The following MDN1 variants were observed in gnomAD, a reference collection of about 807,000 sequenced individuals.
MDN1 encodes midasin.
A neutral mutation model predicts 669.2 loss-of-function variants in MDN1; 266 were observed. The observed-to-expected ratio is 0.40, with a 90% CI of 0.36 to 0.44. MDN1 has a LOEUF of 0.44. Ranked by LOEUF, MDN1 falls within the 20% of genes least tolerant of loss-of-function variation. The pLI, the probability that MDN1 is intolerant of heterozygous loss-of-function variation, is 1.00. For synonymous variants in MDN1, 2,385 were observed against 2,457.1 expected (o/e 0.97, Z 0.87); for missense variants, 5,940 against 6,754.0 (o/e 0.88, Z 4.22).
At chr6:89,688,870 A>G in intron 65 of MDN1, 62 bp from the exon 66 acceptor site, 1 of 1,393,900 alleles carries the variant, frequency 7.2e-7, no homozygotes, top group Non-Finnish European at 1.0e-6. Flanking sequence ...CAACATGTCA[A>G]AAAGATGTCA....
At chr6:89,796,341 A>AAAAAAC (rs1819607396) in intron 2 of MDN1, among the ~76,000 whole-genome samples, 2 of 110,220 alleles carry the variant, frequency 1.8e-5, no homozygotes, top group African/African-American at 3.8e-5. Context: ...AAAAAAAAAA[A>AAAAAAC]AAAAAAAAAC....
Position 89,642,796 on chromosome 6 carries a change from A to ATGTT in MDN1, c.*1205_*1208dup, listed in dbSNP as rs1052394331. On this transcript the variant is annotated 3_prime_UTR_variant, in exon 102 of 102. Transcript: ENST00000369393. ...CAAATTACATCAACAACAGTGGTAT[A>ATGTT]TGTTTTAATAGTTTTCAGAATATAA... The ATGTT allele has an allele frequency of 6.6e-6, 1 of 152,242 alleles. No individual in the cohort carries two copies. Among genetic ancestry groups the ATGTT allele is most frequent in the African/African-American group, 2.4e-5 (1 of 41,466 alleles). The allele number at this position is 152,242 out of a possible 1,614,324, so 9.4% of individuals were successfully genotyped here.
At chr6:89,677,033 AAG>A (rs1811242006) in intron 76 of MDN1, among the ~76,000 whole-genome samples, 1 of 151,632 alleles carries the variant, frequency 6.6e-6, no homozygotes, top group Non-Finnish European at 1.5e-5. Flanking sequence ...AAAAAAAAAA[AAG>A]GGAAGAAGAA....
At chr6:89,726,612 G>C (rs1470611542) in intron 37 of MDN1, among the ~76,000 whole-genome samples, 1 of 151,878 alleles carries the variant, frequency 6.6e-6, no homozygotes, top group Non-Finnish European at 1.5e-5. Context: ...GGGTTTCAAA[G>C]TCAGGATATA....
intron 1 of MDN1, among the ~76,000 whole-genome samples, chr6:89,809,407 GA>G (rs1768231564): frequency 6.6e-6 from 1 of 151,982 alleles, no homozygotes; most frequent in Non-Finnish European, 1.5e-5. Flanking sequence ...AAGGCAGGCA[GA>G]TCACTTGAGC....
Position 89,695,874 on chromosome 6 carries a change from C to T in MDN1, c.9502G>A (p.Gly3168Arg), listed in dbSNP as rs1314669448. 5 of 1,613,278 alleles carry T rather than the reference C, an allele frequency of 3.1e-6. No homozygotes were observed. Among genetic ancestry groups the T allele is most frequent in the Non-Finnish European group, 4.2e-6 (5 of 1,180,036 alleles). The change falls in exon 61 of 102, where the codon GGG becomes AGG. Residue 3168 changes from glycine (G) to arginine (R), a missense_variant. Coordinates refer to ENST00000369393, the MANE Select transcript of MDN1 (RefSeq NM_014611.3). The surrounding 1 kb of genome is among the most constrained non-coding windows in gnomAD (Gnocchi z 4.1). ...YMQNCEQLLL[G>R]SSQAFQHVGQ... is the part of the protein sequence containing the mutation. ...ACATGCTGGAAGGCCTGGCTGCTCC[C>T]AAGCAGCAGCTGCTCACAGTTCTGC...
In MDN1 at chr6:89,712,138, C is replaced by T; in HGVS notation, c.7549G>A (p.Val2517Ile). The T allele has an allele frequency of 6.2e-7, 1 of 1,614,128 alleles. No homozygotes were observed. Among genetic ancestry groups the T allele is most frequent in the Non-Finnish European group, 8.5e-7 (1 of 1,179,990 alleles). The change falls in exon 49 of 102, where the codon GTC becomes ATC. Residue 2517 changes from valine to isoleucine, a missense_variant. Around this residue, in one of 5 missense-constraint regions of MDN1, gnomAD observed 2,292 missense variants for 2,638.3 expected, o/e 0.87. Transcript: ENST00000369393. ...TYWIDEPDVL[V>I]MAVKLLIERA... is the part of the protein sequence containing the mutation. ...TCTATGAGCAATTTAACAGCCATGA[C>T]CAAAACATCTGGTTCATCGATCCAG...
Position 89,662,110 on chromosome 6 carries a change from T to C in MDN1, c.14542A>G (p.Lys4848Glu), listed in dbSNP as rs560611249. 6.2e-7 allele frequency: 1 copy of C among 1,612,158 alleles called. No individual in the cohort carries two copies. Among genetic ancestry groups the C allele is most frequent in the South Asian group, 1.1e-5 (1 of 90,496 alleles). Residue 4848 changes from lysine to glutamate, a missense_variant, in exon 87 of 102, where the codon AAA becomes GAA. Physicochemically the swap from Lys to Glu is moderately conservative, Grantham distance 56 (BLOSUM62 1). This residue lies in a region of MDN1 where 2,280 missense variants were observed against 2,576.3 expected (regional missense o/e 0.88). Coordinates refer to ENST00000369393, the MANE Select transcript of MDN1 (RefSeq NM_014611.3). ...ACCTCATCTATTTGTTCATTAATTT[T>C]GTCTTCACCTTGTCCACCATCATCA... ...EADDGGQGED[K>E]INEQIDERDY...
rs1815680735 is a variant in MDN1, at chr6:89,732,723, T to C, written c.4776A>G (p.Gln1592=). The C allele has an allele frequency of 1.9e-6, 3 of 1,614,126 alleles. No individual in the cohort carries two copies. In the African/African-American group the frequency reaches 4.0e-5, roughly 22 times the overall value. ...MLDFIDWLTH[Q]EFGRKCVVSI... ...TGACCACACACTTTCTGCCAAACTC[T>C]TGGTGGGTCAGCCAGTCAATGAAAT... The change falls in exon 34 of 102, where the codon CAA becomes CAG. Residue 1592 remains glutamine (Q), a synonymous_variant. Coordinates refer to ENST00000369393, the MANE Select transcript of MDN1 (RefSeq NM_014611.3).
rs561511710 is a variant in MDN1 at position 89,803,426 on chromosome 6, G to C, written c.231C>G (p.Ala77=). Residue 77 remains alanine (A), a synonymous_variant, in exon 2 of 102, where the codon GCC becomes GCG. Coordinates refer to ENST00000369393, the MANE Select transcript of MDN1 (RefSeq NM_014611.3). Reference sequence around the variant, plus strand: ...TTTGGCCTCCAGCTTTAATGGCTTCGGCATTCCTTTCCAGCAAATCCAAAA... The same window carrying C: ...TTTGGCCTCCAGCTTTAATGGCTTCCGCATTCCTTTCCAGCAAATCCAAAA... ...PLLLDLLERN[A]EAIKAGGQIN... 3.0e-4 allele frequency: 485 copies of C among 1,613,930 alleles called. 1 individual carries two copies. Among genetic ancestry groups the C allele is most frequent in the Non-Finnish European group, 4.0e-4 (469 of 1,180,024 alleles).
At chr6:89,721,228 T>C (rs1227030096) in intron 40 of MDN1, among the ~76,000 whole-genome samples, 1 of 152,220 alleles carries the variant, frequency 6.6e-6, no homozygotes, top group East Asian at 1.9e-4. Flanking sequence ...GGATAGCACC[T>C]TATGGACAGT....
intron 52 of MDN1, among the ~76,000 whole-genome samples, chr6:89,706,645 A>C (rs1813534362): frequency 6.6e-6 from 1 of 152,152 alleles, no homozygotes; most frequent in Non-Finnish European, 1.5e-5. Context: ...AAATTTTCAT[A>C]TTAGGGATGT....
rs1198223596 is a variant in MDN1, at chr6:89,680,803, C to T, written c.12103-52G>A. The T allele has an allele frequency of 1.9e-6, 3 of 1,581,194 alleles. No individual in the cohort carries two copies. The African/African-American group carries it at 4.1e-5, about 21-fold the overall frequency. ...CACTGCCAAGAATGACAGGCAGTGTCCCTGCAAGGGAACTAAATTTAACTG... is the reference window on the plus strand; with the variant it reads ...CACTGCCAAGAATGACAGGCAGTGTTCCTGCAAGGGAACTAAATTTAACTG... On this transcript the variant is annotated intron_variant, in intron 73 of 101. Transcript: ENST00000369393.
intron 37 of MDN1, among the ~76,000 whole-genome samples, chr6:89,725,932 C>T (rs908437955): frequency 1.0e-4 from 1 of 9,524 alleles, no homozygotes. Flanking sequence ...GTATTTTATA[C>T]ACACACACAC....
At chr6:89,816,983 CT>C (rs755911345) in intron 1 of MDN1, among the ~76,000 whole-genome samples, 8 of 152,096 alleles carry the variant, frequency 5.3e-5, no homozygotes, top group Non-Finnish European at 1.0e-4. Context: ...CTCCACACCC[CT>C]ATCTTAACCT....
At chr6:89,665,686 G>A (rs1483088479) in intron 84 of MDN1, among the ~76,000 whole-genome samples, 1 of 130,182 alleles carries the variant, frequency 7.7e-6, no homozygotes, top group African/African-American at 2.9e-5. Context: ...TAGCCTGGGT[G>A]ACAGAGCAAG....
Position 89,729,142 on chromosome 6 carries a change from T to C in MDN1, c.5141-3A>G, listed in dbSNP as rs1815415485. 1 of 1,609,574 alleles carries C rather than the reference T, an allele frequency of 6.2e-7. No homozygotes were observed. The highest frequency in any genetic ancestry group is 8.5e-7 in the Non-Finnish European group (1 of 1,178,830). On this transcript the variant is annotated splice_polypyrimidine_tract_variant and splice_region_variant and intron_variant, in intron 35 of 101. Transcript: ENST00000369393. ...ATTATTCCTGTGTAGGACAGGTCCTTAAGTGGAGAAAAGTAAAGTCATGTA... is the reference window on the plus strand; with the variant it reads ...ATTATTCCTGTGTAGGACAGGTCCTCAAGTGGAGAAAAGTAAAGTCATGTA...
chr6:89,660,498 T>C (rs574038652), intron 88 of MDN1, among the ~76,000 whole-genome samples: 110 of 152,260 alleles, frequency 7.2e-4, no homozygotes, highest in Admixed American at 6.2e-3. Flanking sequence ...GGGTTTTTTT[T>C]TCCCATTATC....
At chr6:89,793,354 T>C (rs988504826) in intron 5 of MDN1, among the ~76,000 whole-genome samples, 2 of 152,172 alleles carry the variant, frequency 1.3e-5, no homozygotes, top group Non-Finnish European at 2.9e-5. Flanking sequence ...AACAAGAAGA[T>C]ATACGGAACA....
Sources: gnomAD v4.1 joint callset for allele counts (sites outside exome capture counted in the v4.1 genomes callset) on GRCh38, gnomAD v4.1.1 for gene constraint, gnomAD v4.1.1 regional missense constraint, Gnocchi (gnomAD v3.1) non-coding constraint, MANE v1.5 for transcripts, NCBI Gene and HGNC (gene_info 2026-07-23, HGNC 2026-07-21) for gene names.